RGS7: variants seen among roughly 807,000 people sequenced by gnomAD.
RGS7 encodes regulator of G protein signaling 7.
A neutral mutation model predicts 81.1 loss-of-function variants in RGS7; 27 were observed. The observed-to-expected ratio is 0.33, with a 90% CI of 0.25 to 0.46. RGS7 has a LOEUF of 0.46. Among genes scored for constraint, RGS7 ranks in the 20% least tolerant of loss-of-function variants. The pLI, the probability that RGS7 is intolerant of heterozygous loss-of-function variation, is 1.00. For synonymous variants in RGS7, 208 were observed against 207.7 expected, an observed-to-expected ratio of 1.00 and a Z score of -0.01; for missense variants, 396 against 607.4, an observed-to-expected ratio of 0.65 and a Z score of 3.66.
chr1:241,304,705 T>C (rs2079980490), intron 2 of RGS7, among the ~76,000 whole-genome samples: 1 of 152,234 alleles, frequency 6.6e-6, no homozygotes, highest in Non-Finnish European at 1.5e-5. Context: ...ATTCCAGTTA[T>C]GTACTTTTGA....
At chr1:240,850,300 A>C (rs1379246183) in intron 9 of RGS7, among the ~76,000 whole-genome samples, 1 of 152,124 alleles carries the variant, frequency 6.6e-6, no homozygotes, top group Non-Finnish European at 1.5e-5. Context: ...TCCTTGAGTC[A>C]GATTTTGGCA....
At chr1:241,153,826 G>A (rs2068925836) in intron 2 of RGS7, among the ~76,000 whole-genome samples, 1 of 152,244 alleles carries the variant, frequency 6.6e-6, no homozygotes, top group Admixed American at 6.5e-5. Flanking sequence ...TAATGGAGAA[G>A]CCAGTCTTAG....
intron 5 of RGS7, among the ~76,000 whole-genome samples, chr1:240,932,228 T>C (rs1266046059): frequency 1.3e-5 from 2 of 152,112 alleles, no homozygotes; most frequent in East Asian, 3.9e-4. Flanking sequence ...CCGTTCTTTC[T>C]TGGGAATTAC....
At chr1:241,048,615 C>T (rs958479815) in intron 3 of RGS7, among the ~76,000 whole-genome samples, 4 of 152,270 alleles carry the variant, frequency 2.6e-5, no homozygotes, top group East Asian at 3.9e-4. Context: ...ATCAGGGCTG[C>T]GATGTTCTCA....
chr1:241,289,303 C>T (rs140039360), intron 2 of RGS7, among the ~76,000 whole-genome samples: 103 of 152,342 alleles, frequency 6.8e-4, no homozygotes, highest in African/African-American at 2.3e-3. Context: ...TTCTGCCCTG[C>T]AGACCTGCTT....
chr1:240,779,087 G>T (rs1380187227), intron 18 of RGS7, among the ~76,000 whole-genome samples: 1 of 142,822 alleles, frequency 7.0e-6, no homozygotes, highest in Non-Finnish European at 1.5e-5. Flanking sequence ...TCATTAATGG[G>T]ATTAGTGTTC....
intron 2 of RGS7, among the ~76,000 whole-genome samples, chr1:241,160,954 G>A (rs1343001729): frequency 6.6e-6 from 1 of 151,932 alleles, no homozygotes; most frequent in Non-Finnish European, 1.5e-5. Flanking sequence ...AATGCATTTT[G>A]AATCCGGTTA....
intron 2 of RGS7, among the ~76,000 whole-genome samples, chr1:241,119,177 T>C (rs1003831514): frequency 1.3e-4 from 20 of 152,342 alleles, no homozygotes; most frequent in African/African-American, 4.6e-4. Flanking sequence ...GTAACATGAA[T>C]ATCTATCACA....
intron 3 of RGS7, among the ~76,000 whole-genome samples, chr1:241,079,899 A>G (rs1249944808): frequency 6.6e-6 from 1 of 152,106 alleles, no homozygotes; most frequent in Non-Finnish European, 1.5e-5. Context: ...ATAACTCACC[A>G]ATGAACAGAA....
At chr1:241,136,055 AAAC>A (rs2067494135) in intron 2 of RGS7, among the ~76,000 whole-genome samples, 1 of 152,220 alleles carries the variant, frequency 6.6e-6, no homozygotes. Context: ...ACAGTGTTAC[AAAC>A]AATATATGAG....
chr1:241,051,765 TTGAG>T (rs2061264718), intron 3 of RGS7, among the ~76,000 whole-genome samples: 1 of 152,234 alleles, frequency 6.6e-6, no homozygotes. Flanking sequence ...CTAACTTGCA[TTGAG>T]TGTTTCTCTG....
intron 4 of RGS7, among the ~76,000 whole-genome samples, chr1:240,966,155 C>A (rs370833747): frequency 1.3e-5 from 2 of 152,002 alleles, no homozygotes; most frequent in Admixed American, 1.3e-4. Context: ...TACTCATTCT[C>A]CCTAAACTAT....
At chr1:241,042,143 G>T (rs1432570522) in intron 3 of RGS7, among the ~76,000 whole-genome samples, 1 of 152,190 alleles carries the variant, frequency 6.6e-6, no homozygotes, top group African/African-American at 2.4e-5. Context: ...CCTTCCAAAA[G>T]AACGCTGTCA....
intron 15 of RGS7, 55 bp downstream of exon 15, chr1:240,806,085 T>C (rs937514336): frequency 6.9e-7 from 1 of 1,455,532 alleles, no homozygotes; most frequent in African/African-American, 1.4e-5. Flanking sequence ...TGAATACATC[T>C]AACGCTCAAC....
At chr1:241,131,462 A>G (rs1558111346) in intron 2 of RGS7, among the ~76,000 whole-genome samples, 1 of 152,202 alleles carries the variant, frequency 6.6e-6, no homozygotes, top group Non-Finnish European at 1.5e-5. Flanking sequence ...TGCATTTTTA[A>G]CAATTTCTCA....
rs71568993 is a variant in RGS7, at chr1:241,270,751, AC to A, written c.78+84947del. On this transcript the variant is annotated intron_variant, in intron 2 of 18. Transcript: ENST00000440928. ...TATGAAGCAGTGTTCATAGAAATAA[AC>A]CCCCCCCCCTTTTTTTTTTTCTTGA... Among the ~76,000 whole-genome samples the A allele has an allele frequency of 7.1e-3, 709 of 100,408 alleles. 9 individuals are homozygous for A. The highest frequency in any genetic ancestry group is 0.016 in the African/African-American group (502 of 31,196). The allele number at this position is 100,408 out of a possible 152,430, so 65.9% of individuals were successfully genotyped here. A position where few individuals can be genotyped will look rare whatever the true frequency, so the allele number is the denominator to read the frequency against.
chr1:241,003,098 C>T (rs1225640738), intron 3 of RGS7, among the ~76,000 whole-genome samples: 2 of 152,086 alleles, frequency 1.3e-5, no homozygotes, highest in African/African-American at 4.8e-5. Flanking sequence ...AATAAATGTG[C>T]ACAAAGATAT....
Position 240,816,404 on chromosome 1 carries a change from A to T in RGS7, c.696T>A (p.Gly232=), listed in dbSNP as rs765075553. Residue 232 remains glycine, a synonymous_variant, in exon 11 of 19, where the codon GGT becomes GGA. Transcript: ENST00000440928. ...TGTGACTTCTAATATCATTTTGTAA[A>T]CCATAGACAGACTATATTAAAATAA... ...NPHKTRKSVY[G]LQNDIRSHSP... is the part of the protein sequence containing the mutation. 5.7e-6 allele frequency: 9 copies of T among 1,591,802 alleles called. No homozygotes were observed. In the Admixed American group the frequency reaches 1.5e-4, roughly 27 times the overall value.
At chr1:241,278,336 G>T (rs1039507903) in intron 2 of RGS7, among the ~76,000 whole-genome samples, 1 of 152,164 alleles carries the variant, frequency 6.6e-6, no homozygotes, top group Non-Finnish European at 1.5e-5. Context: ...GCATTGGGAA[G>T]ATTTTTTAGA....
Sources: allele counts gnomAD v4.1 joint callset (sites outside exome capture counted in the v4.1 genomes callset), GRCh38; gene constraint gnomAD v4.1.1; transcripts MANE v1.5; gene names NCBI Gene and HGNC (gene_info 2026-07-23, HGNC 2026-07-21).